PLGRKT: variants seen among roughly 807,000 people sequenced by gnomAD.
PLGRKT encodes the protein plasminogen receptor with a C-terminal lysine.
Under a neutral mutation model 18.5 loss-of-function variants are expected in PLGRKT, and 22 were observed. That is an observed-to-expected ratio of 1.19 (90% confidence interval 0.85 to 1.70). The LOEUF is 1.70. Among genes scored for constraint, PLGRKT ranks in the 40% most tolerant of loss-of-function variants. The pLI, the probability that PLGRKT is intolerant of heterozygous loss-of-function variation, is 0.00. For synonymous variants in PLGRKT, 72 were observed against 52.8 expected (o/e 1.36, Z -1.58); for missense variants, 235 against 174.4 (o/e 1.35, Z -1.96).
intron 3 of PLGRKT, among the ~76,000 whole-genome samples, chr9:5,425,489 T>G (rs1188919728): frequency 3.3e-5 from 5 of 152,230 alleles, no homozygotes; most frequent in Non-Finnish European, 5.9e-5. Flanking sequence ...GTTTCCTGAT[T>G]GGCTTACTAT....
chr9:5,362,652 G>C (rs1028286953), intron 3 of PLGRKT, among the ~76,000 whole-genome samples: 5 of 152,138 alleles, frequency 3.3e-5, no homozygotes, highest in Non-Finnish European at 7.3e-5. Flanking sequence ...CCAAGCTAGA[G>C]GGCAATACAC....
At chr9:5,396,217 T>A (rs1320045516) in intron 3 of PLGRKT, among the ~76,000 whole-genome samples, 1 of 151,580 alleles carries the variant, frequency 6.6e-6, no homozygotes, top group East Asian at 1.9e-4. Context: ...TAATTATACT[T>A]TACAATTCTG....
chr9:5,368,838 CA>C (rs1402856225), intron 3 of PLGRKT, among the ~76,000 whole-genome samples: 1 of 152,072 alleles, frequency 6.6e-6, no homozygotes, highest in Non-Finnish European at 1.5e-5. Context: ...ACAAACCTGA[CA>C]AAAACAAGCA....
At chr9:5,397,966 C>T (rs1371233293) in intron 3 of PLGRKT, among the ~76,000 whole-genome samples, 1 of 151,926 alleles carries the variant, frequency 6.6e-6, no homozygotes, top group Non-Finnish European at 1.5e-5. Flanking sequence ...TGAAGGAGGA[C>T]ATAGCTGAGA....
chr9:5,395,562 G>A (rs1818028332), intron 3 of PLGRKT, among the ~76,000 whole-genome samples: 1 of 151,884 alleles, frequency 6.6e-6, no homozygotes, highest in Admixed American at 6.5e-5. Context: ...GTAGCAGAAA[G>A]TAATATAAGA....
intron 3 of PLGRKT, among the ~76,000 whole-genome samples, chr9:5,384,207 C>G (rs980774800): frequency 2.0e-5 from 3 of 152,116 alleles, no homozygotes; most frequent in Admixed American, 6.5e-5. Flanking sequence ...AAGTGGAAGG[C>G]CTGGGACTCT....
intron 3 of PLGRKT, among the ~76,000 whole-genome samples, chr9:5,407,292 T>C (rs1818275449): frequency 6.6e-6 from 1 of 152,172 alleles, no homozygotes; most frequent in Non-Finnish European, 1.5e-5. Flanking sequence ...TCAGTAAATA[T>C]ACTTGAACTG....
At chr9:5,397,622 G>C (rs1055975142) in intron 3 of PLGRKT, among the ~76,000 whole-genome samples, 1 of 151,638 alleles carries the variant, frequency 6.6e-6, no homozygotes, top group Non-Finnish European at 1.5e-5. Flanking sequence ...GAAAAGGGAG[G>C]GAAGAGGGGA....
chr9:5,399,707 G>C (rs532838832), intron 3 of PLGRKT, among the ~76,000 whole-genome samples: 10 of 151,714 alleles, frequency 6.6e-5, no homozygotes, highest in Non-Finnish European at 1.5e-4. Context: ...AAAATACGCA[G>C]GCCAGGCACG....
intron 3 of PLGRKT, among the ~76,000 whole-genome samples, chr9:5,362,654 G>A (rs747094214): frequency 6.6e-6 from 1 of 152,136 alleles, no homozygotes; most frequent in Non-Finnish European, 1.5e-5. Context: ...AAGCTAGAGG[G>A]CAATACACAG....
chr9:5,388,884 C>T (rs1817893957), intron 3 of PLGRKT, among the ~76,000 whole-genome samples: 1 of 152,070 alleles, frequency 6.6e-6, no homozygotes, highest in Non-Finnish European at 1.5e-5. Flanking sequence ...GCATCTGGCA[C>T]ATAGCAAGTG....
At chr9:5,431,842 G>T in intron 3 of PLGRKT, 55 bp downstream of exon 3, 3 of 831,464 alleles carry the variant, frequency 3.6e-6, no homozygotes, top group Admixed American at 1.9e-5. Flanking sequence ...GAGTACATGT[G>T]GTAGAAACTT....
chr9:5,423,196 C>G (rs925821877), intron 3 of PLGRKT, among the ~76,000 whole-genome samples: 3 of 152,160 alleles, frequency 2.0e-5, no homozygotes, highest in Non-Finnish European at 2.9e-5. Context: ...CACTATCACA[C>G]CACTACCCTG....
chr9:5,414,046 G>T (rs1045636116), intron 3 of PLGRKT, among the ~76,000 whole-genome samples: 2 of 152,134 alleles, frequency 1.3e-5, no homozygotes, highest in Non-Finnish European at 2.9e-5. Context: ...ACAAACCAAA[G>T]ATTTATCTTG....
intron 3 of PLGRKT, among the ~76,000 whole-genome samples, chr9:5,407,212 T>G (rs2131137242): frequency 6.6e-6 from 1 of 152,322 alleles, no homozygotes; most frequent in East Asian, 1.9e-4. Flanking sequence ...ATTCAGATGC[T>G]AAATGACAAA....
At chr9:5,407,791 G>T (rs1372288658) in intron 3 of PLGRKT, among the ~76,000 whole-genome samples, 3 of 152,136 alleles carry the variant, frequency 2.0e-5, no homozygotes, top group African/African-American at 7.2e-5. Context: ...GAAATAATTG[G>T]CTTAAAAATA....
chr9:5,391,489 T>C (rs1366711327), intron 3 of PLGRKT, among the ~76,000 whole-genome samples: 1 of 152,010 alleles, frequency 6.6e-6, no homozygotes, highest in Non-Finnish European at 1.5e-5. Flanking sequence ...GCTGTGCTTC[T>C]GGGTACAAAG....
intron 3 of PLGRKT, among the ~76,000 whole-genome samples, chr9:5,379,488 ATG>A (rs1243084718): frequency 6.6e-6 from 1 of 152,140 alleles, no homozygotes; most frequent in Non-Finnish European, 1.5e-5. Context: ...CAACAGCCAC[ATG>A]TGAGTGGATA....
intron 3 of PLGRKT, among the ~76,000 whole-genome samples, chr9:5,382,425 G>T (rs993397373): frequency 2.0e-5 from 3 of 152,210 alleles, no homozygotes; most frequent in East Asian, 1.9e-4. Flanking sequence ...GGTGAGGGGA[G>T]ATAGGAATGA....
Sources: allele counts gnomAD v4.1 joint callset (sites outside exome capture counted in the v4.1 genomes callset), GRCh38; gene constraint gnomAD v4.1.1; transcripts MANE v1.5; gene names NCBI Gene and HGNC (gene_info 2026-07-23, HGNC 2026-07-21).